Variants in LRRC19 observed in about 807,000 individuals in gnomAD.
LRRC19 encodes leucine rich repeat containing 19.
In LRRC19, 33 loss-of-function variants were observed where a neutral mutation model predicts 33.3. The observed-to-expected ratio is 0.99, with a 90% confidence interval of 0.75 to 1.33. The LOEUF is 1.33. Among genes scored for constraint, LRRC19 ranks in the 40% most tolerant of loss-of-function variants. The pLI is 0.00. For missense variants in LRRC19, 463 were observed against 417.3 expected (o/e 1.11, Z -0.95); for synonymous variants, 184 against 152.3 (o/e 1.21, Z -1.53).
At chr9:26,997,082 C>T (rs533971125) in intron 3 of LRRC19, among the ~76,000 whole-genome samples, 18 of 151,762 alleles carry the variant, frequency 1.2e-4, no homozygotes, top group African/African-American at 2.9e-4. Context: ...CGTGGTGGCT[C>T]ATGACTGTAA....
rs867895692 is a variant in LRRC19, at chr9:27,005,363, C to A, written c.-10+229G>T. 2.4e-4 allele frequency among the ~76,000 whole-genome samples: 24 copies of A among 99,144 alleles called. 3 individuals are homozygous for A. Among genetic ancestry groups the A allele is most frequent in the Non-Finnish European group, 3.6e-4 (17 of 47,190 alleles). 65.0% of individuals were successfully genotyped at this position (99,144 alleles called of 152,430 possible). ...TAGATGAAACCATTTCCCCCCCCGCCCCCCGCAAAACAATTACTTAGTATT... is the reference window on the plus strand; with the variant it reads ...TAGATGAAACCATTTCCCCCCCCGCACCCCGCAAAACAATTACTTAGTATT... On this transcript the variant is annotated intron_variant, in intron 1 of 4. Coordinates refer to ENST00000380055, the MANE Select transcript of LRRC19 (RefSeq NM_022901.3).
intron 3 of LRRC19, among the ~76,000 whole-genome samples, chr9:26,997,397 G>A (rs908397611): frequency 2.1e-5 from 3 of 140,946 alleles, no homozygotes; most frequent in Admixed American, 7.7e-5. Flanking sequence ...GCAGTGGCAC[G>A]ATCTCGGCTC....
At chr9:27,001,178 T>G (rs565010631) in intron 1 of LRRC19, among the ~76,000 whole-genome samples, 3 of 152,288 alleles carry the variant, frequency 2.0e-5, no homozygotes, top group Non-Finnish European at 4.4e-5. Flanking sequence ...TGTATATATA[T>G]GCTACTTTTT....
rs1228741257 is a variant in LRRC19, at chr9:26,994,722, A to T, written c.*799T>A. On this transcript the variant is annotated 3_prime_UTR_variant, in exon 5 of 5. Transcript: ENST00000380055. The stretch of plus-strand genomic sequence containing the variant: ...TGCTCTATCTACTGAATAGATAGAA[A>T]TAGCTGTCCATGGACCACATGAAGA... 1.3e-5 allele frequency: 2 copies of T among 152,626 alleles called. No individual in the cohort carries two copies. Among genetic ancestry groups the T allele is most frequent in the Non-Finnish European group, 2.9e-5 (2 of 68,048 alleles). 9.5% of individuals were successfully genotyped at this position (152,626 alleles called of 1,614,324 possible).
chr9:27,004,396 T>C (rs1828667935), intron 1 of LRRC19, among the ~76,000 whole-genome samples: 1 of 152,234 alleles, frequency 6.6e-6, no homozygotes, highest in African/African-American at 2.4e-5. Context: ...GGTCTGAAGC[T>C]GTGAAATACA....
intron 3 of LRRC19, among the ~76,000 whole-genome samples, chr9:26,996,883 A>G (rs74526159): frequency 2.6e-5 from 4 of 152,184 alleles, no homozygotes; most frequent in Non-Finnish European, 5.9e-5. Flanking sequence ...CTAACAATAC[A>G]TGAAATGACA....
Position 26,997,869 on chromosome 9 carries a change from G to A in LRRC19, c.454C>T (p.Leu152=). The A allele has an allele frequency of 1.2e-6, 2 of 1,614,182 alleles. No individual in the cohort carries two copies. The highest frequency in any genetic ancestry group is 1.7e-6 in the Non-Finnish European group (2 of 1,180,022). Residue 152 remains leucine, a synonymous_variant, in exon 3 of 5, where the codon CTG becomes TTG. Coordinates refer to ENST00000380055, the MANE Select transcript of LRRC19 (RefSeq NM_022901.3). The stretch of plus-strand genomic sequence containing the variant: ...AAATAGCTAATCAAATTGCCTTGCA[G>A]ATTCAGAAGTTTTAGGCTTCTTAGA... ...VPLRSLKLLN[L]QGNLISYLDV...
intron 3 of LRRC19, 96 bp from the exon 4 acceptor site, chr9:26,996,595 A>T (rs1828172741): frequency 3.6e-6 from 3 of 826,960 alleles, no homozygotes; most frequent in Non-Finnish European, 5.0e-6. Flanking sequence ...CATATTTGTC[A>T]TTCTTAAAGG....
intron 1 of LRRC19, among the ~76,000 whole-genome samples, chr9:27,001,171 A>G (rs1307291781): frequency 2.6e-5 from 4 of 152,008 alleles, no homozygotes; most frequent in Admixed American, 2.0e-4. Flanking sequence ...ATTCCATTGT[A>G]TATATATGCT....
At chr9:26,998,267 A>G (rs370369349) in intron 2 of LRRC19, 26 bp from the exon 3 acceptor site, 34 of 1,282,200 alleles carry the variant, frequency 2.7e-5, no homozygotes, top group Non-Finnish European at 3.4e-5. Flanking sequence ...AAAGAAAGGC[A>G]TTAATCAGAA....
chr9:26,999,379 G>A (rs1324718379), intron 2 of LRRC19, among the ~76,000 whole-genome samples: 1 of 151,932 alleles, frequency 6.6e-6, no homozygotes, highest in Non-Finnish European at 1.5e-5. Flanking sequence ...ACTAATTTCT[G>A]ATTTTATAGT....
chr9:27,001,678 G>A (rs1406662827), intron 1 of LRRC19, among the ~76,000 whole-genome samples: 1 of 152,000 alleles, frequency 6.6e-6, no homozygotes, highest in Non-Finnish European at 1.5e-5. Flanking sequence ...TTTGTTTTTG[G>A]CTAGTGAGCT....
chr9:26,997,405 C>T (rs1481934461), intron 3 of LRRC19, among the ~76,000 whole-genome samples: 1 of 146,068 alleles, frequency 6.8e-6, no homozygotes, highest in East Asian at 2.3e-4. Flanking sequence ...ACGATCTCGG[C>T]TCACTGTAAC....
At position 26,995,355 on chromosome 9, in the gene LRRC19, C is replaced by T. The variant is rs1381871837; in HGVS notation, c.*166G>A. 1.8e-6 allele frequency: 1 copy of T among 544,992 alleles called. No homozygotes were observed. The highest frequency in any genetic ancestry group is 3.3e-6 in the Non-Finnish European group (1 of 305,794). 33.8% of individuals were successfully genotyped at this position (544,992 alleles called of 1,614,324 possible). A position where few individuals can be genotyped will look rare whatever the true frequency, so the allele number is the denominator to read the frequency against. On this transcript the variant is annotated 3_prime_UTR_variant, in exon 5 of 5. Coordinates refer to ENST00000380055, the MANE Select transcript of LRRC19 (RefSeq NM_022901.3). ...GGAGTGTCAGTTACTGTATTTGAAC[C>T]TGCTTGCTCAATATAATGCAAAGAA...
At chr9:26,996,094 TAAAAC>T (rs1477469970) in intron 4 of LRRC19, among the ~76,000 whole-genome samples, 2 of 152,200 alleles carry the variant, frequency 1.3e-5, no homozygotes, top group South Asian at 4.1e-4. Context: ...CTAGACTAGT[TAAAAC>T]AAAGGCTCAG....
rs1828243556 is a variant in LRRC19 at position 26,997,784 on chromosome 9, C to T, written c.539G>A (p.Cys180Tyr). The T allele has an allele frequency of 1.2e-6, 2 of 1,613,438 alleles. No individual in the cohort carries two copies. The highest frequency in any genetic ancestry group is 1.7e-6 in the Non-Finnish European group (2 of 1,179,848). ...CTGCAAATTAAATAGACTGCAAGAG[C>T]AGTTCCATAGGTTTCCATATAAAGT... is the stretch of plus-strand genomic sequence containing the variant. ...LITLYGNLWNCSCSLFNLQNW... is the reference protein window; with the variant it reads ...LITLYGNLWNYSCSLFNLQNW... Residue 180 changes from cysteine (C) to tyrosine (Y), a missense_variant, in exon 3 of 5, where the codon TGC (cysteine) becomes TAC (tyrosine). Coordinates refer to ENST00000380055, the MANE Select transcript of LRRC19 (RefSeq NM_022901.3).
At chr9:27,004,536 C>A (rs1239025045) in intron 1 of LRRC19, among the ~76,000 whole-genome samples, 2 of 152,212 alleles carry the variant, frequency 1.3e-5, no homozygotes, top group East Asian at 3.9e-4. Flanking sequence ...CATTTGCTAG[C>A]ATTATTGGGT....
At chr9:26,998,777 A>T (rs151247927) in intron 2 of LRRC19, among the ~76,000 whole-genome samples, 5,761 of 151,896 alleles carry the variant, frequency 0.038, 131 homozygotes, top group Middle Eastern at 0.065. Flanking sequence ...TGAGGTCAGG[A>T]GTTCAAGACC....
chr9:27,000,472 ACT>A (rs1828421345), intron 1 of LRRC19, among the ~76,000 whole-genome samples: 1 of 151,884 alleles, frequency 6.6e-6, no homozygotes, highest in Non-Finnish European at 1.5e-5. Context: ...AATCTTTAGC[ACT>A]CTTTTTCCCC....
Sources: allele counts gnomAD v4.1 joint callset (sites outside exome capture counted in the v4.1 genomes callset), GRCh38; gene constraint gnomAD v4.1.1; transcripts MANE v1.5; gene names NCBI Gene and HGNC (gene_info 2026-07-23, HGNC 2026-07-21).